Variants in SF3A1 observed in about 807,000 individuals in gnomAD.
SF3A1 encodes the protein splicing factor 3a subunit 1, also known as SAP 114.
In SF3A1, 13 loss-of-function variants were observed where a neutral mutation model predicts 89.9. The ratio of observed to expected loss-of-function variants is 0.14; its 90% confidence interval spans 0.09 to 0.23. SF3A1 has a LOEUF of 0.23. Among genes scored for constraint, SF3A1 ranks in the 10% least tolerant of loss-of-function variants. The pLI is 1.00. For missense variants in SF3A1, 604 were observed against 1,022.1 expected (o/e 0.59, Z 5.58); for synonymous variants, 405 against 374.4 (o/e 1.08, Z -0.94).
intron 4 of SF3A1, among the ~76,000 whole-genome samples, chr22:30,343,365 T>G (rs1931322713): frequency 6.6e-6 from 1 of 152,218 alleles, no homozygotes; most frequent in Non-Finnish European, 1.5e-5. Context: ...TGACTCCTCC[T>G]CACTAGACTA....
In SF3A1 at chr22:30,336,968, CA is replaced by C. The variant is rs376703145; in HGVS notation, c.2106+57del. ...TAGGGTCAGTTTCGCAAGTGTACGA[CA>C]GGGGCGGGACTGAACCCTCCAGCTA... On this transcript the variant is annotated intron_variant, in intron 13 of 15. Transcript: ENST00000215793. The C allele has an allele frequency of 3.4e-3, 5,517 of 1,604,436 alleles. 214 individuals carry two copies. The South Asian group carries it at 0.057, about 17-fold the overall frequency.
At chr22:30,345,423 T>C (rs1361307896) in intron 3 of SF3A1, among the ~76,000 whole-genome samples, 2 of 152,108 alleles carry the variant, frequency 1.3e-5, no homozygotes, top group African/African-American at 4.8e-5. Context: ...TGAGAACCAT[T>C]CCCCTCTGTA....
At chr22:30,340,994 A>G (rs1931233131) in intron 7 of SF3A1, among the ~76,000 whole-genome samples, 182 bp from the exon 8 acceptor site, 1 of 151,566 alleles carries the variant, frequency 6.6e-6, no homozygotes, top group Admixed American at 6.6e-5. Flanking sequence ...CACAGCATGA[A>G]TGGGAGTGCT....
intron 12 of SF3A1, among the ~76,000 whole-genome samples, 189 bp from the exon 13 acceptor site, chr22:30,337,369 AGCAGAGGAC>A (rs1931102090): frequency 6.6e-6 from 1 of 152,192 alleles, no homozygotes; most frequent in African/African-American, 2.4e-5. Flanking sequence ...CAGATTGGAC[AGCAGAGGAC>A]TGCAGGAGGG....
In SF3A1 at chr22:30,340,366, G is replaced by C. The variant is rs1931210866; in HGVS notation, c.1205C>G (p.Pro402Arg). 17 of 1,611,812 alleles carry C rather than the reference G, an allele frequency of 1.1e-5. No individual in the cohort carries two copies. Among genetic ancestry groups the C allele is most frequent in the Non-Finnish European group, 1.4e-5 (17 of 1,179,490 alleles). Residue 402 changes from proline (P) to arginine (R), a missense_variant, in exon 9 of 16, where the codon CCT becomes CGT. Pro to Arg is a moderately radical substitution (Grantham distance 103, BLOSUM62 -2). This residue lies in a region of SF3A1 where 146 missense variants were observed against 228.5 expected (regional missense o/e 0.64). Coordinates refer to ENST00000215793, the MANE Select transcript of SF3A1 (RefSeq NM_005877.6). The stretch of plus-strand genomic sequence containing the variant: ...ATACTCATCTGGAGCAGGGGCTGGA[G>C]GCAAGGGCTTGGAGGCTAAAAGGAA... Reference protein sequence around the residue: ...DYDPKASKPLPPAPAPDEYLV... With the variant: ...DYDPKASKPLRPAPAPDEYLV...
intron 2 of SF3A1, among the ~76,000 whole-genome samples, chr22:30,349,923 G>T (rs990817276): frequency 6.6e-6 from 1 of 152,104 alleles, no homozygotes; most frequent in Admixed American, 6.5e-5. Flanking sequence ...GGGATTACAG[G>T]CGTGAGCCAC....
rs1043176622 is a variant in SF3A1, at chr22:30,332,274, G to A, written c.*2320C>T. On this transcript the variant is annotated 3_prime_UTR_variant, in exon 16 of 16. Coordinates refer to ENST00000215793, the MANE Select transcript of SF3A1 (RefSeq NM_005877.6). ...AGAGTACATGACAAGTACTTAAGTA[G>A]TGGGTAGAACTGAAAGTGAAATTCC... 1.3e-5 allele frequency: 2 copies of A among 152,178 alleles called. No homozygotes were observed. Among genetic ancestry groups the A allele is most frequent in the African/African-American group, 4.8e-5 (2 of 41,436 alleles). 9.4% of individuals were successfully genotyped at this position (152,178 alleles called of 1,614,324 possible).
chr22:30,342,628 T>G (rs1931295763), intron 5 of SF3A1, 177 bp downstream of exon 5: 1 of 625,872 alleles, frequency 1.6e-6, no homozygotes, highest in Non-Finnish European at 2.8e-6. Context: ...CAGAAAGTTG[T>G]GGTATGTTGG....
chr22:30,340,862 C>A, intron 7 of SF3A1, 50 bp from the exon 8 acceptor site: 1 of 1,046,228 alleles, frequency 9.6e-7, no homozygotes, highest in Non-Finnish European at 1.4e-6. Context: ...AGGCCACCTC[C>A]CTGTAGCTGA....
chr22:30,349,737 C>T (rs1931531093), intron 2 of SF3A1, among the ~76,000 whole-genome samples: 1 of 150,188 alleles, frequency 6.7e-6, no homozygotes, highest in South Asian at 2.1e-4. Flanking sequence ...CATGATCATA[C>T]CCTTGACCTC....
intron 10 of SF3A1, 40 bp from the exon 11 acceptor site, chr22:30,339,074 GA>G: frequency 6.2e-7 from 1 of 1,613,832 alleles, no homozygotes; most frequent in Non-Finnish European, 8.5e-7. Context: ...CTGGAACTAA[GA>G]CCAAGTATGG....
At chr22:30,354,681 T>G (rs1421456764) in intron 1 of SF3A1, among the ~76,000 whole-genome samples, 1 of 152,204 alleles carries the variant, frequency 6.6e-6, no homozygotes, top group Non-Finnish European at 1.5e-5. Context: ...CTCTAACCTC[T>G]TTCCTCAGGA....
chr22:30,337,456 C>T (rs1368287726), intron 12 of SF3A1, among the ~76,000 whole-genome samples: 2 of 152,142 alleles, frequency 1.3e-5, no homozygotes, highest in Non-Finnish European at 2.9e-5. Flanking sequence ...CTGTTGGGGA[C>T]CTGATCCCTG....
chr22:30,338,810 A>G lies in SF3A1; in HGVS notation c.1722T>C (p.Thr574=), dbSNP rs756844047. 8 of 1,614,008 alleles carry G rather than the reference A, an allele frequency of 5.0e-6. No homozygotes were observed. In the South Asian group the frequency reaches 8.8e-5, roughly 18 times the overall value. The change falls in exon 11 of 16, where the codon ACT becomes ACC. Residue 574 remains threonine, a synonymous_variant. Coordinates refer to ENST00000215793, the MANE Select transcript of SF3A1 (RefSeq NM_005877.6). ...TNIPSSAPPI[T]SVPRPPTMPP... ...TTACTGTGGGTGGTCGGGGCACTGA[A>G]GTGATGGGTGGAGCCGAGCTGGGGA...
chr22:30,334,485 A>C lies in SF3A1; in HGVS notation c.*109T>G, dbSNP rs1231272801. The C allele has an allele frequency of 1.0e-5, 7 of 667,410 alleles. No individual in the cohort carries two copies. The East Asian group carries it at 2.1e-4, about 20-fold the overall frequency. 41.3% of individuals were successfully genotyped at this position (667,410 alleles called of 1,614,324 possible). On this transcript the variant is annotated 3_prime_UTR_variant, in exon 16 of 16. Coordinates refer to ENST00000215793, the MANE Select transcript of SF3A1 (RefSeq NM_005877.6). ...GAATTCCCAAACTGAGTAAGAGCGA[A>C]ACAAATATGCAGGCAAGGCAAAGCC...
chr22:30,345,288 T>G (rs1027404013), intron 3 of SF3A1, 98 bp from the exon 4 acceptor site: 1 of 1,174,112 alleles, frequency 8.5e-7, no homozygotes. Context: ...CTCAGCAGGA[T>G]GCTGTGAACC....
At chr22:30,337,632 G>A in intron 12 of SF3A1, 58 bp downstream of exon 12, 3 of 845,868 alleles carry the variant, frequency 3.5e-6, no homozygotes, top group Non-Finnish European at 2.0e-6. Context: ...TCTGCTGACA[G>A]TACTTGGCCC....
intron 2 of SF3A1, among the ~76,000 whole-genome samples, chr22:30,349,114 T>C (rs1022052839): frequency 9.8e-5 from 15 of 152,340 alleles, no homozygotes; most frequent in Admixed American, 9.8e-4. Context: ...TGAAAAGGCC[T>C]AACCTAGCGA....
At position 30,350,304 on chromosome 22, in the gene SF3A1, T is replaced by TAAAAAAAAAAAAAAAAAAAAAAA. The variant is rs567383762; in HGVS notation, c.185+2646_185+2647insTTTTTTTTTTTTTTTTTTTTTTT. On this transcript the variant is annotated intron_variant, in intron 2 of 15. Transcript: ENST00000215793. ...AAAGACCCCATCTATACAAAAAAAC[T>TAAAAAAAAAAAAAAAAAAAAAAA]AAAAAAAATAAAAAAAATAAAAAAA... 5.9e-5 allele frequency among the ~76,000 whole-genome samples: 8 copies of TAAAAAAAAAAAAAAAAAAAAAAA among 135,152 alleles called. 1 individual carries two copies. Among genetic ancestry groups the TAAAAAAAAAAAAAAAAAAAAAAA allele is most frequent in the Non-Finnish European group, 9.8e-5 (6 of 61,344 alleles). The allele number at this position is 135,152 out of a possible 152,430, so 88.7% of individuals were successfully genotyped here. A position where few individuals can be genotyped will look rare whatever the true frequency, so the allele number is the denominator to read the frequency against.
Sources: allele counts gnomAD v4.1 joint callset (sites outside exome capture counted in the v4.1 genomes callset), GRCh38; gene constraint gnomAD v4.1.1; regional missense constraint gnomAD v4.1.1; transcripts MANE v1.5; gene names NCBI Gene and HGNC (gene_info 2026-07-23, HGNC 2026-07-21).